Variants in TSPEAR observed in about 807,000 individuals in gnomAD.
TSPEAR encodes the protein thrombospondin type laminin G domain and EAR repeats.
In TSPEAR, 69 loss-of-function variants were observed where a neutral mutation model predicts 71.6. The observed-to-expected ratio is 0.96, with a 90% confidence interval of 0.79 to 1.18. The LOEUF (loss-of-function observed/expected upper bound fraction) is 1.18. Among genes scored for constraint, TSPEAR ranks in the 50% most tolerant of loss-of-function variants. The probability of loss-of-function intolerance (pLI) is 0.00; values close to 1 mark genes in which losing one functional copy is unlikely to be tolerated. For missense variants in TSPEAR, 971 were observed against 894.9 expected (o/e 1.09, Z -1.09); for synonymous variants, 402 against 387.2 (o/e 1.04, Z -0.45).
At chr21:44,544,227 T>A (rs2053265401) in intron 2 of TSPEAR, among the ~76,000 whole-genome samples, 1 of 152,206 alleles carries the variant, frequency 6.6e-6, no homozygotes, top group African/African-American at 2.4e-5. Context: ...AAGTCATATA[T>A]TATATGGCAA....
chr21:44,504,975 G>A, intron 10 of TSPEAR, 94 bp from the exon 11 acceptor site: 1 of 956,748 alleles, frequency 1.0e-6, no homozygotes, highest in East Asian at 2.4e-5. Context: ...TTATAGAGGA[G>A]GAGCCGGGGC....
intron 9 of TSPEAR, chr21:44,519,681 T>C (rs2052692094): frequency 6.6e-6 from 1 of 152,252 alleles, no homozygotes; most frequent in South Asian, 2.1e-4. Flanking sequence ...ACAAGGAACT[T>C]ATGCTCAGCT....
intron 1 of TSPEAR, chr21:44,702,573 G>A (rs929748089): frequency 1.4e-5 from 22 of 1,608,486 alleles, no homozygotes; most frequent in African/African-American, 1.2e-4. Flanking sequence ...GCTGCCAGCC[G>A]GCTTGCTGCA....
chr21:44,564,795 C>A (rs1555921548), intron 2 of TSPEAR, among the ~76,000 whole-genome samples: 1 of 152,102 alleles, frequency 6.6e-6, no homozygotes. Context: ...TAGCAGACAC[C>A]TTTAGACTGT....
chr21:44,611,735 A>G (rs1434232879), intron 1 of TSPEAR, among the ~76,000 whole-genome samples: 1 of 152,198 alleles, frequency 6.6e-6, no homozygotes, highest in South Asian at 2.1e-4. Flanking sequence ...TAGCAAAGAC[A>G]TACAGGCAAA....
chr21:44,578,217 A>G, intron 1 of TSPEAR, among the ~76,000 whole-genome samples: 1 of 152,222 alleles, frequency 6.6e-6, no homozygotes, highest in East Asian at 1.9e-4. Flanking sequence ...GCCACTACAG[A>G]ATCTGTAGAT....
At chr21:44,646,584 C>G (rs1984392971) in intron 1 of TSPEAR, 1 of 1,612,538 alleles carries the variant, frequency 6.2e-7, no homozygotes, top group South Asian at 1.1e-5. Context: ...CGGCCCCCTC[C>G]CTGAGCCTGG....
intron 9 of TSPEAR, among the ~76,000 whole-genome samples, chr21:44,510,366 G>C (rs1453115201): frequency 6.6e-6 from 1 of 152,192 alleles, no homozygotes; most frequent in Non-Finnish European, 1.5e-5. Flanking sequence ...CTGCCTGAGG[G>C]ACATTGCACC....
At chr21:44,539,919 A>G (rs2053183026) in intron 2 of TSPEAR, 1 of 1,613,942 alleles carries the variant, frequency 6.2e-7, no homozygotes. Flanking sequence ...TGGCAGCACG[A>G]GGGCGTGCAG....
chr21:44,620,906 C>T (rs1555933387), intron 1 of TSPEAR, among the ~76,000 whole-genome samples: 2 of 152,106 alleles, frequency 1.3e-5, no homozygotes, highest in African/African-American at 4.8e-5. Flanking sequence ...TCTTTGAATT[C>T]TCCTTTGACC....
At chr21:44,708,746 C>T (rs1321431022) in intron 1 of TSPEAR, among the ~76,000 whole-genome samples, 1 of 152,220 alleles carries the variant, frequency 6.6e-6, no homozygotes, top group East Asian at 1.9e-4. Context: ...CCCTGAGGCC[C>T]TCCTGGACAC....
chr21:44,515,887 A>AG (rs1446539609), intron 9 of TSPEAR: 1 of 152,270 alleles, frequency 6.6e-6, no homozygotes, highest in Non-Finnish European at 1.5e-5. Flanking sequence ...CCATGAGTGA[A>AG]GGGCTGAGAC....
intron 8 of TSPEAR, among the ~76,000 whole-genome samples, chr21:44,523,644 T>C (rs1442760704): frequency 2.0e-5 from 3 of 151,618 alleles, no homozygotes; most frequent in East Asian, 1.9e-4. Flanking sequence ...AGGTAGTCAG[T>C]CATCAGTGAG....
Position 44,499,856 on chromosome 21 carries a change from G to T in TSPEAR, c.1937C>A (p.Thr646Lys), listed in dbSNP as rs782251764. 6 of 1,602,370 alleles carry T rather than the reference G, an allele frequency of 3.7e-6. No homozygotes were observed. The Admixed American group carries it at 1.0e-4, about 27-fold the overall frequency. ...GGAGTAGATGAGGTAGGCACCAGCC[G>T]TGGTGCTGAAGGCCTCCCAGTCCCT... The part of the protein sequence containing the change: ...GCRDWEAFST[T>K]AGAYLIYSSA... The change falls in exon 12 of 12, where the codon ACG (threonine) becomes AAG (lysine). Residue 646 changes from threonine (T) to lysine (K), a missense_variant. By Grantham distance (78) the Thr-to-Lys change is moderately conservative (BLOSUM62 -1). Coordinates refer to ENST00000323084, the MANE Select transcript of TSPEAR (RefSeq NM_144991.3).
At chr21:44,640,915 AG>A (rs1222086374) in intron 1 of TSPEAR, among the ~76,000 whole-genome samples, 1 of 152,172 alleles carries the variant, frequency 6.6e-6, no homozygotes, top group African/African-American at 2.4e-5. Context: ...CGGGAGAACC[AG>A]GAAGGGTGGG....
chr21:44,697,373 G>C, intron 1 of TSPEAR: 1 of 1,613,318 alleles, frequency 6.2e-7, no homozygotes, highest in African/African-American at 1.3e-5. Context: ...AGTGAGCCGT[G>C]TATCCAGCCC....
At chr21:44,627,895 G>T in intron 1 of TSPEAR, 1 of 1,612,018 alleles carries the variant, frequency 6.2e-7, no homozygotes, top group South Asian at 1.1e-5. Context: ...GTGCAGGCCC[G>T]CCTGCTGCGT....
intron 1 of TSPEAR, among the ~76,000 whole-genome samples, chr21:44,701,287 C>T (rs1268238578): frequency 3.3e-5 from 5 of 152,140 alleles, no homozygotes; most frequent in African/African-American, 7.2e-5. Flanking sequence ...CTTCCAGCGA[C>T]GTGAAACGAT....
At chr21:44,509,742 G>GTGCCA (rs1394156793) in intron 9 of TSPEAR, 4 of 287,404 alleles carry the variant, frequency 1.4e-5, no homozygotes, top group Non-Finnish European at 2.7e-5. Context: ...CTGAATGTTA[G>GTGCCA]TGCCAGCTGT....
Sources: gnomAD v4.1 joint callset for allele counts (sites outside exome capture counted in the v4.1 genomes callset) on GRCh38, gnomAD v4.1.1 for gene constraint, MANE v1.5 for transcripts, NCBI Gene and HGNC (gene_info 2026-07-23, HGNC 2026-07-21) for gene names.